Variants in CDH13 observed in about 807,000 individuals in gnomAD.
CDH13 encodes cadherin-13.
CDH13 carries 24 observed loss-of-function variants against 63.8 expected under a neutral mutation model. That is an observed-to-expected ratio of 0.38 (90% CI 0.27 to 0.53). The LOEUF (loss-of-function observed/expected upper bound fraction) is 0.53. Among genes scored for constraint, CDH13 ranks in the 20% least tolerant of loss-of-function variants. The pLI, the probability that CDH13 is intolerant of heterozygous loss-of-function variation, is 0.85. For missense variants in CDH13, 1,049 were observed against 903.1 expected (o/e 1.16, Z -2.07); for synonymous variants, 503 against 355.3 (o/e 1.42, Z -4.67).
intron 2 of CDH13, among the ~76,000 whole-genome samples, chr16:83,010,268 C>G (rs906000543): frequency 1.4e-4 from 22 of 151,832 alleles, no homozygotes; most frequent in Admixed American, 6.6e-5. Flanking sequence ...TTGGTCCACG[C>G]CAATCCCATC....
At chr16:83,186,377 TCCAC>T (rs1351437160) in intron 4 of CDH13, among the ~76,000 whole-genome samples, 1 of 151,950 alleles carries the variant, frequency 6.6e-6, no homozygotes, top group Non-Finnish European at 1.5e-5. Context: ...GACCTTTTGA[TCCAC>T]CCGCCTCGGC....
In CDH13 at chr16:82,858,382, A is replaced by C; in HGVS notation, c.66A>C (p.Ala22=). 1.2e-6 allele frequency: 2 copies of C among 1,613,172 alleles called. No homozygotes were observed. Among genetic ancestry groups the C allele is most frequent in the Non-Finnish European group, 1.7e-6 (2 of 1,179,136 alleles). ...CTCAGGTGCTGCTGCTAACATCTGC[A>C]GAAGATTTGGACTGCACTCCTGGAT... ...LLSQVLLLTS[A]EDLDCTPGFQ... The change falls in exon 2 of 14, where the codon GCA becomes GCC. Residue 22 remains alanine, a synonymous_variant. Coordinates refer to ENST00000567109, the MANE Select transcript of CDH13 (RefSeq NM_001257.5).
intron 2 of CDH13, among the ~76,000 whole-genome samples, chr16:82,969,679 C>T (rs962286932): frequency 6.6e-6 from 1 of 152,084 alleles, no homozygotes; most frequent in African/African-American, 2.4e-5. Context: ...GCACTGCAGT[C>T]ATGACAATCA....
At chr16:83,706,161 G>A (rs1018238406) in intron 10 of CDH13, among the ~76,000 whole-genome samples, 3 of 152,300 alleles carry the variant, frequency 2.0e-5, no homozygotes, top group East Asian at 3.9e-4. Flanking sequence ...TCTGGCAATT[G>A]TTGATTGCTG....
At position 83,602,468 on chromosome 16, in the gene CDH13, C is replaced by T; in HGVS notation, c.975C>T (p.Pro325=). The T allele has an allele frequency of 6.2e-7, 1 of 1,613,888 alleles. No individual in the cohort carries two copies. The highest frequency in any genetic ancestry group is 1.3e-5 in the African/African-American group (1 of 74,996). ...ALLDRETLEN[P]KYELIIEAQD... ...GTGCTTTGTAGACTCTGGAAAATCC[C>T]AAGTATGAACTGATCATCGAGGCTC... The change falls in exon 8 of 14, where the codon CCC becomes CCT. Residue 325 remains proline (P), a synonymous_variant. Coordinates refer to ENST00000567109, the MANE Select transcript of CDH13 (RefSeq NM_001257.5).
chr16:82,874,500 G>A (rs754226008), intron 2 of CDH13, among the ~76,000 whole-genome samples: 1 of 151,354 alleles, frequency 6.6e-6, no homozygotes, highest in Non-Finnish European at 1.5e-5. Context: ...TCCATTTGAA[G>A]CCAAAACGAT....
chr16:83,180,806 CATTTGTTGGCTTGTTT>C, intron 4 of CDH13: 1 of 1,099,240 alleles, frequency 9.1e-7, no homozygotes, highest in South Asian at 1.4e-5. Context: ...ATGCTGTAGT[CATTTGTTGGCTTGTTT>C]ATTTTAATCC....
intron 1 of CDH13, among the ~76,000 whole-genome samples, chr16:82,714,687 C>G (rs1381164449): frequency 4.5e-5 from 6 of 131,894 alleles, no homozygotes; most frequent in Non-Finnish European, 7.9e-5. Context: ...GCACTCCAGC[C>G]TAGGCGACAG....
intron 7 of CDH13, among the ~76,000 whole-genome samples, chr16:83,541,836 C>G (rs2075300777): frequency 6.6e-6 from 1 of 152,234 alleles, no homozygotes; most frequent in Non-Finnish European, 1.5e-5. Flanking sequence ...AGGTCTTCTC[C>G]TATGAGAATG....
intron 3 of CDH13, among the ~76,000 whole-genome samples, chr16:83,046,501 A>G (rs1386410983): frequency 6.6e-6 from 1 of 152,218 alleles, no homozygotes; most frequent in Non-Finnish European, 1.5e-5. Flanking sequence ...TGTTTTGAGA[A>G]TTTTATACAT....
intron 3 of CDH13, among the ~76,000 whole-genome samples, chr16:83,109,229 G>A (rs980905080): frequency 6.6e-6 from 1 of 152,182 alleles, no homozygotes; most frequent in African/African-American, 2.4e-5. Context: ...AGAGGGAAGG[G>A]ATGGATTCCT....
At chr16:83,073,023 G>A (rs1431703629) in intron 3 of CDH13, among the ~76,000 whole-genome samples, 1 of 152,226 alleles carries the variant, frequency 6.6e-6, no homozygotes, top group African/African-American at 2.4e-5. Flanking sequence ...AAATGGTAAC[G>A]ATGTGAAGGT....
intron 4 of CDH13, among the ~76,000 whole-genome samples, chr16:83,161,732 C>T (rs1463053523): frequency 2.6e-5 from 4 of 152,134 alleles, no homozygotes; most frequent in African/African-American, 9.7e-5. Context: ...TCTTACCCAT[C>T]CGTCTCTGTC....
chr16:83,380,406 T>C (rs986799621), intron 6 of CDH13, among the ~76,000 whole-genome samples: 1 of 152,188 alleles, frequency 6.6e-6, no homozygotes, highest in African/African-American at 2.4e-5. Context: ...ATTCATTCTA[T>C]TTTTGCTCCC....
At chr16:82,696,009 C>T (rs1483301908) in intron 1 of CDH13, among the ~76,000 whole-genome samples, 2 of 152,294 alleles carry the variant, frequency 1.3e-5, no homozygotes, top group Non-Finnish European at 2.9e-5. Context: ...TCTAATGTTT[C>T]TCTGACAGTT....
At chr16:82,952,563 G>T (rs1268463918) in intron 2 of CDH13, among the ~76,000 whole-genome samples, 1 of 152,200 alleles carries the variant, frequency 6.6e-6, no homozygotes, top group East Asian at 1.9e-4. Context: ...CTTTTCTACA[G>T]ATCCTTGAAT....
intron 2 of CDH13, among the ~76,000 whole-genome samples, chr16:82,933,442 C>T (rs2151298211): frequency 6.6e-6 from 1 of 152,260 alleles, no homozygotes; most frequent in South Asian, 2.1e-4. Flanking sequence ...GTGGGGATTA[C>T]AATTCAGATT....
chr16:83,443,704 CGAAAAAAAAAAAAAAAAA>C (rs1567676066), intron 6 of CDH13, among the ~76,000 whole-genome samples: 7 of 19,496 alleles, frequency 3.6e-4, no homozygotes, highest in African/African-American at 1.3e-3. Flanking sequence ...GAAGTCCCTA[CGAAAAAAAAAAAAAAAAA>C]AAAAAAAAAA....
chr16:83,217,522 C>A, intron 5 of CDH13, 25 bp downstream of exon 5: 4 of 1,603,468 alleles, frequency 2.5e-6, no homozygotes, highest in Admixed American at 1.7e-5. Context: ...CCCATGCCCA[C>A]CCTGTGCGCA....
Sources: gnomAD v4.1 joint callset for allele counts (sites outside exome capture counted in the v4.1 genomes callset) on GRCh38, gnomAD v4.1.1 for gene constraint, MANE v1.5 for transcripts, NCBI Gene and HGNC (gene_info 2026-07-23, HGNC 2026-07-21) for gene names.